CYRIB: variants seen among roughly 807,000 people sequenced by gnomAD.
CYRIB encodes CYFIP-related Rac1 interactor B.
In CYRIB, 8 loss-of-function variants were observed where a neutral mutation model predicts 44.2. The ratio of observed to expected loss-of-function variants is 0.18; its 90% CI spans 0.11 to 0.33. The LOEUF is 0.33. Among genes scored for constraint, CYRIB ranks in the 10% least tolerant of loss-of-function variants. The pLI is 1.00. For synonymous variants in CYRIB, 131 were observed against 127.2 expected (o/e 1.03, Z -0.20); for missense variants, 185 against 382.8 (o/e 0.48, Z 4.31).
At chr8:129,918,134 CCA>C (rs2081682747) in intron 1 of CYRIB, among the ~76,000 whole-genome samples, 1 of 152,132 alleles carries the variant, frequency 6.6e-6, no homozygotes, top group Admixed American at 6.6e-5. Context: ...ACTATGCATG[CCA>C]CAGAGCTACC....
At chr8:129,889,938 T>C (rs1564689435) in intron 2 of CYRIB, among the ~76,000 whole-genome samples, 1 of 152,102 alleles carries the variant, frequency 6.6e-6, no homozygotes, top group African/African-American at 2.4e-5. Context: ...CACAGCCAGC[T>C]GATTTTTTGT....
At chr8:129,895,172 T>C (rs2067398649) in intron 2 of CYRIB, among the ~76,000 whole-genome samples, 1 of 150,414 alleles carries the variant, frequency 6.6e-6, no homozygotes, top group African/African-American at 2.4e-5. Context: ...CTGTTGTTGT[T>C]TGTTTTTTTT....
chr8:129,902,113 T>C (rs982742036), intron 2 of CYRIB, among the ~76,000 whole-genome samples: 17 of 152,198 alleles, frequency 1.1e-4, no homozygotes, highest in African/African-American at 4.1e-4. Flanking sequence ...ACCTCTGAAC[T>C]GTAAAATACA....
chr8:129,940,935 C>T (rs1372381846), upstream of CYRIB, among the ~76,000 whole-genome samples: 1 of 152,160 alleles, frequency 6.6e-6, no homozygotes, highest in African/African-American at 2.4e-5. Context: ...ATGAACGAAG[C>T]TCTAGTCAAA....
chr8:129,988,275 C>A (rs916186431), intron 1 of CYRIB, among the ~76,000 whole-genome samples: 6 of 152,310 alleles, frequency 3.9e-5, no homozygotes, highest in Middle Eastern at 3.4e-3. Context: ...TTCCTGATTC[C>A]GCTATCTTGC....
chr8:129,983,744 C>T (rs1466872931), intron 1 of CYRIB, among the ~76,000 whole-genome samples: 1 of 152,286 alleles, frequency 6.6e-6, no homozygotes, highest in Admixed American at 6.5e-5. Flanking sequence ...GCGGGGACAC[C>T]GGGGACCGCC....
chr8:129,913,506 T>C (rs915393998), intron 1 of CYRIB, among the ~76,000 whole-genome samples: 2 of 152,224 alleles, frequency 1.3e-5, no homozygotes, highest in Non-Finnish European at 2.9e-5. Context: ...TGCTAGAGTA[T>C]TTTCCAGCCA....
At chr8:129,939,875 GA>G (rs1448236197), upstream of CYRIB, 1 of 152,388 alleles carries the variant, frequency 6.6e-6, no homozygotes, top group Non-Finnish European at 1.5e-5. Context: ...GGGCGCCGCG[GA>G]CCTGTCCGGC....
At chr8:129,993,757 G>A (rs2096702021) in intron 1 of CYRIB, among the ~76,000 whole-genome samples, 1 of 151,810 alleles carries the variant, frequency 6.6e-6, no homozygotes, top group African/African-American at 2.4e-5. Context: ...AGCTACTTGT[G>A]AGGCTGAGGT....
intron 10 of CYRIB, 39 bp from the exon 13 acceptor site, chr8:129,846,913 T>A: frequency 7.9e-7 from 1 of 1,272,490 alleles, no homozygotes; most frequent in Non-Finnish European, 1.1e-6. Context: ...AACAGCCATT[T>A]TTTTCATGTA....
chr8:129,969,763 G>C (rs1431247397), intron 2 of CYRIB, among the ~76,000 whole-genome samples: 2 of 152,134 alleles, frequency 1.3e-5, no homozygotes, highest in Non-Finnish European at 1.5e-5. Flanking sequence ...ATAAATATGA[G>C]AAACATATTT....
chr8:129,906,420 T>C (rs998620271), intron 1 of CYRIB, among the ~76,000 whole-genome samples: 1 of 152,172 alleles, frequency 6.6e-6, no homozygotes, highest in African/African-American at 2.4e-5. Flanking sequence ...TGAAACTGGA[T>C]CCCTTCCTTA....
chr8:129,904,156 C>A (rs1452836903), intron 1 of CYRIB, among the ~76,000 whole-genome samples: 1 of 152,082 alleles, frequency 6.6e-6, no homozygotes, highest in East Asian at 1.9e-4. Flanking sequence ...GACATTAACC[C>A]CTTGGAGAAG....
At chr8:129,885,874 C>A (rs544175114) in intron 2 of CYRIB, among the ~76,000 whole-genome samples, 2 of 152,216 alleles carry the variant, frequency 1.3e-5, no homozygotes, top group Admixed American at 1.3e-4. Context: ...CCACAAAAAC[C>A]CAACAACCCA....
chr8:129,941,041 T>G (rs185600271), upstream of CYRIB, among the ~76,000 whole-genome samples: 6 of 152,264 alleles, frequency 3.9e-5, no homozygotes, highest in East Asian at 1.2e-3. Flanking sequence ...TACCTTAGCC[T>G]TTTTGTCTTC....
chr8:129,933,611 C>T (rs938015902), intron 1 of CYRIB, among the ~76,000 whole-genome samples: 6 of 152,046 alleles, frequency 3.9e-5, no homozygotes, highest in Admixed American at 3.3e-4. Flanking sequence ...TGCGGTGGCT[C>T]GCGCACCTGT....
At chr8:130,014,578 C>T (rs1211480299) in intron 1 of CYRIB, among the ~76,000 whole-genome samples, 1 of 152,138 alleles carries the variant, frequency 6.6e-6, no homozygotes, top group African/African-American at 2.4e-5. Context: ...CTAAGAGAGG[C>T]ACACAGAAGA....
chr8:129,911,475 C>T (rs1173879077), intron 1 of CYRIB, among the ~76,000 whole-genome samples: 1 of 152,116 alleles, frequency 6.6e-6, no homozygotes, highest in Non-Finnish European at 1.5e-5. Flanking sequence ...CCACTAACTT[C>T]TTTTATTGTA....
intron 2 of CYRIB, among the ~76,000 whole-genome samples, chr8:129,960,049 C>A (rs1354329798): frequency 6.6e-6 from 1 of 152,222 alleles, no homozygotes; most frequent in Non-Finnish European, 1.5e-5. Flanking sequence ...AGCCACTTAA[C>A]TGCTTTTATC....
Sources: gnomAD v4.1 joint callset for allele counts (sites outside exome capture counted in the v4.1 genomes callset) on GRCh38, gnomAD v4.1.1 for gene constraint, MANE v1.5 for transcripts, NCBI Gene and HGNC (gene_info 2026-07-23, HGNC 2026-07-21) for gene names.